TASOR2: variants seen among roughly 807,000 people sequenced by gnomAD.
TASOR2 encodes the protein transcription activation suppressor family member 2, also known as protein TASOR 2.
In TASOR2, 84 loss-of-function variants were observed where a neutral mutation model predicts 199.5. The observed-to-expected ratio is 0.42, with a 90% CI of 0.35 to 0.50. The LOEUF (loss-of-function observed/expected upper bound fraction) is 0.50, where lower values mean the gene tolerates loss of function less well. TASOR2 is among the 20% of genes least tolerant of loss of function. The pLI, the probability that TASOR2 is intolerant of heterozygous loss-of-function variation, is 0.02. For synonymous variants in TASOR2, 1,103 were observed against 1,046.6 expected, an observed-to-expected ratio of 1.05 and a Z score of -1.04; for missense variants, 2,796 against 2,835.9, an observed-to-expected ratio of 0.99 and a Z score of 0.32.
At chr10:5,749,233 A>G (rs778685831) in exon 15 of TASOR2, 53 of 1,614,190 alleles carry the variant, frequency 3.3e-5, no homozygotes, top group Non-Finnish European at 4.5e-5. Flanking sequence ...CAAAGATACC[A>G]TGAGAACTTC....
At position 5,740,373 on chromosome 10, in the gene TASOR2, A is replaced by G. The variant is rs755115110; in HGVS notation, c.2203A>G (p.Ile735Val). The G allele has an allele frequency of 1.2e-5, 19 of 1,614,216 alleles. No homozygotes were observed. Among genetic ancestry groups the G allele is most frequent in the East Asian group, 2.2e-5 (1 of 44,880 alleles). ...TGTGAAAAAATCTTCTTGCTCTCGT[A>G]TAGTGCTTAGCTGTGATGACTCCGT... The change falls in exon 13 of 21, where the codon ATA (isoleucine) becomes GTA (valine). Residue 735 changes from isoleucine to valine, a missense_variant. Coordinates refer to ENST00000328090, the Ensembl canonical transcript of TASOR2. The surrounding 1 kb of genome is among the most constrained non-coding windows in gnomAD (Gnocchi z 5.3).
At chr10:5,749,554 G>A in exon 15 of TASOR2, 1 of 1,614,090 alleles carries the variant, frequency 6.2e-7, no homozygotes, top group African/African-American at 1.3e-5. Flanking sequence ...AACAGTTGTG[G>A]AGTCAGATCC....
chr10:5,702,499 G>A (rs1837992776), intron 1 of TASOR2, among the ~76,000 whole-genome samples: 1 of 151,948 alleles, frequency 6.6e-6, no homozygotes, highest in Admixed American at 6.6e-5. Context: ...TCAATTTTTT[G>A]AAGAGTTCAA....
At chr10:5,709,387 G>A in intron 1 of TASOR2, 1 of 492,878 alleles carries the variant, frequency 2.0e-6, no homozygotes. Context: ...TAAGTCCTTA[G>A]CTGAGAATAC....
At position 5,689,171 on chromosome 10, in the gene TASOR2, T is replaced by C. The variant is rs1381680656; in HGVS notation, c.-288+3996T>C. Among the ~76,000 whole-genome samples, 3 of 152,256 alleles carry C rather than the reference T, an allele frequency of 2.0e-5. No homozygotes were observed. The highest frequency in any genetic ancestry group is 7.2e-5 in the African/African-American group (3 of 41,466). On this transcript the variant is annotated intron_variant, in intron 1 of 20. Coordinates refer to ENST00000328090, the Ensembl canonical transcript of TASOR2. This position sits in a 1 kb window ranked among gnomAD's most constrained non-coding sequence, Gnocchi z 4.1. The stretch of plus-strand genomic sequence containing the variant: ...TTCTTTTAACATGCTGAAGCTCTTA[T>C]TCCTCTGTCTTTTGGCTTTCATTAT...
At chr10:5,705,096 A>G (rs1838405438) in intron 1 of TASOR2, among the ~76,000 whole-genome samples, 2 of 152,192 alleles carry the variant, frequency 1.3e-5, no homozygotes, top group Non-Finnish European at 2.9e-5. Flanking sequence ...CTACACCAAT[A>G]AAAATAGTGT....
chr10:5,730,646 C>T lies in TASOR2; in HGVS notation c.647C>T (p.Ala216Val), dbSNP rs373014194. 2.8e-5 allele frequency: 46 copies of T among 1,614,148 alleles called. No homozygotes were observed. In the African/African-American group the frequency reaches 5.3e-4, roughly 19 times the overall value. The change falls in exon 11 of 21, where the codon GCG becomes GTG. Residue 216 changes from alanine (A) to valine (V), a missense_variant. This residue lies in a region of TASOR2 where 847 missense variants were observed against 887.4 expected (regional missense o/e 0.95). Coordinates refer to ENST00000328090, the Ensembl canonical transcript of TASOR2. This position sits in a 1 kb window ranked among gnomAD's most constrained non-coding sequence, Gnocchi z 4.1. ...CGTCATTTCCAAGAATTGTACAAGG[C>T]GGACAGAAGCCCTTCATTGAGTGTT...
intron 18 of TASOR2, among the ~76,000 whole-genome samples, chr10:5,759,669 C>A (rs902971324): frequency 6.6e-6 from 1 of 152,202 alleles, no homozygotes; most frequent in Admixed American, 6.5e-5. Flanking sequence ...GAGTAGATAA[C>A]AAACATGACC....
At chr10:5,708,918 T>C (rs965324306) in intron 1 of TASOR2, among the ~76,000 whole-genome samples, 6 of 152,064 alleles carry the variant, frequency 3.9e-5, no homozygotes, top group African/African-American at 1.4e-4. Flanking sequence ...CCCTGGCTGG[T>C]CTCAAGCTCC....
chr10:5,712,159 G>A (rs1832004470), intron 1 of TASOR2: 1 of 268,460 alleles, frequency 3.7e-6, no homozygotes, highest in Admixed American at 5.3e-5. Flanking sequence ...GACATACCAG[G>A]TCTGGCAGGA....
rs2131593395 is a variant in TASOR2, at chr10:5,730,792, T to G, written c.793T>G (p.Ser265Ala). The G allele has an allele frequency of 6.2e-7, 1 of 1,614,202 alleles. No homozygotes were observed. Among genetic ancestry groups the G allele is most frequent in the East Asian group, 2.2e-5 (1 of 44,886 alleles). Residue 265 changes from serine (S) to alanine (A), a missense_variant, in exon 11 of 21, where the codon TCA becomes GCA. By Grantham distance (99) the Ser-to-Ala change is moderately conservative. Transcript: ENST00000328090. This position sits in a 1 kb window ranked among gnomAD's most constrained non-coding sequence, Gnocchi z 4.1. ...TTTAACTCAGTTGAACTCTTATTTT[T>G]CAGACCCTAGTGCTTACATTTTGGA...
Position 5,730,424 on chromosome 10 carries a change from TCCAGAA to T in TASOR2, c.488-62_488-57del. 1.5e-6 allele frequency: 2 copies of T among 1,302,372 alleles called. No homozygotes were observed. 80.7% of individuals were successfully genotyped at this position (1,302,372 alleles called of 1,614,324 possible). Reference sequence around the variant, plus strand: ...AATTTTGAAATCTAAAGCTTTTTTTTCCAGAATGTTTTGTTTTTAAAAAATAAACTT... The same window carrying T: ...AATTTTGAAATCTAAAGCTTTTTTTTTGTTTTGTTTTTAAAAAATAAACTT... On this transcript the variant is annotated intron_variant, in intron 10 of 20. Transcript: ENST00000328090. This position sits in a 1 kb window ranked among gnomAD's most constrained non-coding sequence, Gnocchi z 4.1.
In TASOR2 at chr10:5,748,471, G is replaced by A. The variant is rs1564352352; in HGVS notation, c.5050G>A (p.Glu1684Lys). The A allele has an allele frequency of 6.2e-7, 1 of 1,614,154 alleles. No individual in the cohort carries two copies. The highest frequency in any genetic ancestry group is 2.2e-5 in the East Asian group (1 of 44,890). Residue 1684 changes from glutamate (E) to lysine (K), a missense_variant, in exon 15 of 21, where the codon GAA (glutamate) becomes AAA (lysine). Around this residue, in one of 3 missense-constraint regions of TASOR2, gnomAD observed 1,941 missense variants for 1,924.9 expected, o/e 1.01. Coordinates refer to ENST00000328090, the Ensembl canonical transcript of TASOR2. This position sits in a 1 kb window ranked among gnomAD's most constrained non-coding sequence, Gnocchi z 5.1. Reference sequence around the variant, plus strand: ...TGCAGAGCCAGTGTTTCAAGCACAGGAAATACCAGCAGGCAGAATGGCCAG... The same window carrying A: ...TGCAGAGCCAGTGTTTCAAGCACAGAAAATACCAGCAGGCAGAATGGCCAG...
At chr10:5,716,007 C>T (rs1339257146) in intron 2 of TASOR2, among the ~76,000 whole-genome samples, 4 of 152,176 alleles carry the variant, frequency 2.6e-5, no homozygotes, top group Non-Finnish European at 5.9e-5. Context: ...TAGCCTACTA[C>T]ACACCTAGGC....
chr10:5,720,997 C>G lies in TASOR2; in HGVS notation c.146+27C>G. ...TAAGTATTAAATGTTATGTCCTTTA[C>G]TAATGCTTATATTACAAGTTTTGGG... On this transcript the variant is annotated intron_variant, in intron 6 of 20. Coordinates refer to ENST00000328090, the Ensembl canonical transcript of TASOR2. The surrounding 1 kb of genome is among the most constrained non-coding windows in gnomAD (Gnocchi z 5.3). The G allele has an allele frequency of 6.5e-7, 1 of 1,549,064 alleles. No individual in the cohort carries two copies. The highest frequency in any genetic ancestry group is 8.8e-7 in the Non-Finnish European group (1 of 1,136,688).
Position 5,706,915 on chromosome 10 carries a change from G to C in TASOR2, c.-287-5908G>C, listed in dbSNP as rs1302294467. On this transcript the variant is annotated intron_variant, in intron 1 of 20. Coordinates refer to ENST00000328090, the Ensembl canonical transcript of TASOR2. This position sits in a 1 kb window ranked among gnomAD's most constrained non-coding sequence, Gnocchi z 4.8. The stretch of plus-strand genomic sequence containing the variant: ...CTACACGGGAGGCCGAGGCAAGAGA[G>C]TTGCTTGAACCCGGGAGGTGGAGGT... Among the ~76,000 whole-genome samples, 1 of 151,838 alleles carries C rather than the reference G, an allele frequency of 6.6e-6. No homozygotes were observed. The highest frequency in any genetic ancestry group is 1.5e-5 in the Non-Finnish European group (1 of 67,966).
At position 5,754,451 on chromosome 10, in the gene TASOR2, G is replaced by T. The variant is rs920088268; in HGVS notation, c.6607-2162G>T. Among the ~76,000 whole-genome samples the T allele has an allele frequency of 6.6e-6, 1 of 151,732 alleles. No homozygotes were observed. Among genetic ancestry groups the T allele is most frequent in the African/African-American group, 2.4e-5 (1 of 41,288 alleles). ...GTCGCCCAGGCTGGAGTGCAGTGGC[G>T]CGATCTCAGCTCACTGCAGCCTCCG... On this transcript the variant is annotated intron_variant, in intron 15 of 20. Transcript: ENST00000328090. The surrounding 1 kb of genome is among the most constrained non-coding windows in gnomAD (Gnocchi z 4.3).
intron 12 of TASOR2, 106 bp downstream of exon 13, chr10:5,735,652 A>G: frequency 7.3e-7 from 1 of 1,369,018 alleles, no homozygotes; most frequent in Admixed American, 2.6e-5. Flanking sequence ...TGTCCCAATA[A>G]TTTTTTCTGT....
chr10:5,718,671 A>AT (rs1832964444), intron 3 of TASOR2, among the ~76,000 whole-genome samples: 1 of 151,870 alleles, frequency 6.6e-6, no homozygotes, highest in Non-Finnish European at 1.5e-5. Flanking sequence ...AGGCAGGAGA[A>AT]TCACTTGAAC....
Sources: gnomAD v4.1 joint callset for allele counts (sites outside exome capture counted in the v4.1 genomes callset) on GRCh38, gnomAD v4.1.1 for gene constraint, gnomAD v4.1.1 regional missense constraint, Gnocchi (gnomAD v3.1) non-coding constraint, MANE v1.5 for transcripts, NCBI Gene and HGNC (gene_info 2026-07-23, HGNC 2026-07-21) for gene names.